Variants in ZNF462 observed in about 807,000 individuals in gnomAD.
ZNF462 encodes zinc finger PBX1-interacting protein.
Under a neutral mutation model 201.9 loss-of-function variants are expected in ZNF462, and 10 were observed. The observed-to-expected ratio is 0.05, with a 90% confidence interval of 0.03 to 0.08. The LOEUF (loss-of-function observed/expected upper bound fraction) is 0.08, where lower values mean the gene tolerates loss of function less well. Among genes scored for constraint, ZNF462 ranks in the 10% least tolerant of loss-of-function variants. The pLI, the probability that ZNF462 is intolerant of heterozygous loss-of-function variation, is 1.00. For missense variants in ZNF462, 2,523 were observed against 3,168.3 expected (o/e 0.80, Z 4.89); for synonymous variants, 1,227 against 1,193.3 (o/e 1.03, Z -0.58).
rs1249255578 is a variant in ZNF462, at chr9:106,932,315, A to G, written c.6013-131A>G. The G allele has an allele frequency of 1.9e-6, 3 of 1,554,732 alleles. No individual in the cohort carries two copies. Among genetic ancestry groups the G allele is most frequent in the African/African-American group, 1.4e-5 (1 of 73,182 alleles). ...TTCCTGGATGGATTGGAAGCAGCCAAAGACGCCAGTGGCGCCCTGGTGGGC... is the reference window on the plus strand; with the variant it reads ...TTCCTGGATGGATTGGAAGCAGCCAGAGACGCCAGTGGCGCCCTGGTGGGC... On this transcript the variant is annotated intron_variant, in intron 4 of 12. Transcript: ENST00000277225. This position sits in a 1 kb window ranked among gnomAD's most constrained non-coding sequence, Gnocchi z 6.8.
intron 1 of ZNF462, among the ~76,000 whole-genome samples, chr9:106,918,219 G>A (rs977676803): frequency 4.6e-5 from 7 of 152,118 alleles, no homozygotes; most frequent in African/African-American, 1.2e-4. Context: ...TAGTACCGAT[G>A]TCATTTGTAT....
chr9:106,959,631 A>T (rs1015679501), intron 7 of ZNF462, among the ~76,000 whole-genome samples: 9 of 152,222 alleles, frequency 5.9e-5, no homozygotes, highest in African/African-American at 2.2e-4. Context: ...GAGGCTCCTC[A>T]ACATACTCTG....
rs377090113 is a variant in ZNF462 at position 106,962,608 on chromosome 9, G to A, written c.6428-9397G>A. Among the ~76,000 whole-genome samples the A allele has an allele frequency of 2.8e-4, 42 of 152,062 alleles. No individual in the cohort carries two copies. Among genetic ancestry groups the A allele is most frequent in the African/African-American group, 9.9e-4 (41 of 41,518 alleles). ...AGAAAGCTTGCCCATTTTTTGCCAT[G>A]TTTGTATCATTTTGCAGGCTAATAT... On this transcript the variant is annotated intron_variant, in intron 7 of 12. Transcript: ENST00000277225. The surrounding 1 kb of genome is among the most constrained non-coding windows in gnomAD (Gnocchi z 4.6).
chr9:107,011,207 G>C lies in ZNF462; in HGVS notation c.*177G>C. 3.4e-6 allele frequency: 2 copies of C among 595,446 alleles called. No homozygotes were observed. The highest frequency in any genetic ancestry group is 5.9e-6 in the Non-Finnish European group (2 of 339,066). The allele number at this position is 595,446 out of a possible 1,614,324, so 36.9% of individuals were successfully genotyped here. ...TGTGTGAGTGAGTATGTAAATTAAA[G>C]TTATTTAAATGGTTGGAATATGTGG... On this transcript the variant is annotated 3_prime_UTR_variant, in exon 13 of 13. Coordinates refer to ENST00000277225, the MANE Select transcript of ZNF462 (RefSeq NM_021224.6). This position sits in a 1 kb window ranked among gnomAD's most constrained non-coding sequence, Gnocchi z 5.6.
chr9:106,965,926 T>C (rs1287305359), intron 7 of ZNF462, among the ~76,000 whole-genome samples: 1 of 152,134 alleles, frequency 6.6e-6, no homozygotes, highest in African/African-American at 2.4e-5. Context: ...GTTTCCTGGC[T>C]ATTAAATAAA....
chr9:106,969,206 C>T (rs943416392), intron 7 of ZNF462, among the ~76,000 whole-genome samples: 1 of 152,086 alleles, frequency 6.6e-6, no homozygotes, highest in Non-Finnish European at 1.5e-5. Flanking sequence ...GTCAATAAAC[C>T]TGTCCATCTG....
Position 106,977,123 on chromosome 9 carries a change from C to T in ZNF462, c.6832+2850C>T, listed in dbSNP as rs138065009. On this transcript the variant is annotated intron_variant, in intron 9 of 12. Transcript: ENST00000277225. This position sits in a 1 kb window ranked among gnomAD's most constrained non-coding sequence, Gnocchi z 4.6. ...ACAGCCATGTATACCATCTGTGTCC[C>T]GGCCTGGCTTTGGTGTCCATCTCTA... Among the ~76,000 whole-genome samples the T allele has an allele frequency of 1.6e-4, 25 of 152,266 alleles. No homozygotes were observed. In the East Asian group the frequency reaches 4.6e-3, roughly 28 times the overall value.
chr9:106,910,315 G>A (rs1226202369), intron 1 of ZNF462, among the ~76,000 whole-genome samples: 2 of 141,044 alleles, frequency 1.4e-5, no homozygotes, highest in Non-Finnish European at 3.1e-5. Context: ...TTTTTCATGG[G>A]TCGTTTCCAT....
rs77805892 is a variant in ZNF462, at chr9:106,870,380, A to G, written c.-31+7025A>G. Reference sequence around the variant, plus strand: ...TGTGTTTGCTTGTTCAGTTCACTGCATGTTGCTTCTGGATATTAATAAAAT... The same window carrying G: ...TGTGTTTGCTTGTTCAGTTCACTGCGTGTTGCTTCTGGATATTAATAAAAT... On this transcript the variant is annotated intron_variant, in intron 1 of 12. Coordinates refer to ENST00000277225, the MANE Select transcript of ZNF462 (RefSeq NM_021224.6). The surrounding 1 kb of genome is among the most constrained non-coding windows in gnomAD (Gnocchi z 4.3). 1.9e-3 allele frequency among the ~76,000 whole-genome samples: 287 copies of G among 152,160 alleles called. 1 individual carries two copies. The highest frequency in any genetic ancestry group is 6.6e-3 in the African/African-American group (272 of 41,502).
intron 1 of ZNF462, among the ~76,000 whole-genome samples, chr9:106,873,004 G>C (rs1019667560): frequency 6.6e-6 from 1 of 152,168 alleles, no homozygotes; most frequent in African/African-American, 2.4e-5. Context: ...GCTGCAAAGT[G>C]GGGGAGCCAG....
chr9:106,999,244 A>G (rs1398490619), intron 10 of ZNF462, among the ~76,000 whole-genome samples: 1 of 152,032 alleles, frequency 6.6e-6, no homozygotes, highest in East Asian at 1.9e-4. Context: ...TCAATATGTC[A>G]TCTGCATCAT....
Position 106,954,050 on chromosome 9 carries a change from C to T in ZNF462, c.6427+14943C>T, listed in dbSNP as rs1344857395. 6.6e-6 allele frequency among the ~76,000 whole-genome samples: 1 copy of T among 152,136 alleles called. No homozygotes were observed. The highest frequency in any genetic ancestry group is 1.5e-5 in the Non-Finnish European group (1 of 68,022). On this transcript the variant is annotated intron_variant, in intron 7 of 12. Transcript: ENST00000277225. The surrounding 1 kb of genome is among the most constrained non-coding windows in gnomAD (Gnocchi z 4.0). The stretch of plus-strand genomic sequence containing the variant: ...TGTTTATCCCACCTGCAAAGTCCTC[C>T]ATTCATTCTATTCTAAGCAAGGTTA...
Position 106,867,536 on chromosome 9 carries a change from T to C in ZNF462, c.-31+4181T>C, listed in dbSNP as rs544185033. ...ACCATATTCCCCGAGGAATTGTTTT[T>C]TCCCCCTTACTCTTTGGAGTTGGAG... On this transcript the variant is annotated intron_variant, in intron 1 of 12. Transcript: ENST00000277225. 5.3e-5 allele frequency among the ~76,000 whole-genome samples: 8 copies of C among 152,178 alleles called. 1 individual carries two copies. In the South Asian group the frequency reaches 1.5e-3, roughly 28 times the overall value.
At chr9:106,980,362 G>A (rs1212920112) in intron 9 of ZNF462, among the ~76,000 whole-genome samples, 8 of 152,166 alleles carry the variant, frequency 5.3e-5, no homozygotes, top group African/African-American at 1.4e-4. Context: ...CAATTTGCAC[G>A]CAAAGTTTTG....
chr9:106,875,119 C>T (rs776918734), intron 1 of ZNF462, among the ~76,000 whole-genome samples: 15 of 152,112 alleles, frequency 9.9e-5, no homozygotes, highest in Non-Finnish European at 1.6e-4. Context: ...AGCTTCTCAA[C>T]GGTAAATATC....
chr9:106,862,712 G>A (rs1827109711), upstream of ZNF462, among the ~76,000 whole-genome samples: 1 of 152,124 alleles, frequency 6.6e-6, no homozygotes, highest in Non-Finnish European at 1.5e-5. This position sits in a 1 kb window ranked among gnomAD's most constrained non-coding sequence, Gnocchi z 4.2. Context: ...TCCTTCTGGG[G>A]TTCAGCAGGG....
chr9:106,964,917 A>T (rs554096823), intron 7 of ZNF462, among the ~76,000 whole-genome samples: 60 of 152,206 alleles, frequency 3.9e-4, no homozygotes, highest in African/African-American at 1.4e-3. Flanking sequence ...GGTGTACAGC[A>T]TCAGCCTAGA....
intron 1 of ZNF462, among the ~76,000 whole-genome samples, chr9:106,914,914 A>G (rs1016519570): frequency 2.6e-5 from 4 of 152,200 alleles, no homozygotes; most frequent in Non-Finnish European, 5.9e-5. Flanking sequence ...TCACATGAAG[A>G]TTGGCATTTA....
chr9:106,945,668 T>C (rs1197966662), intron 7 of ZNF462, among the ~76,000 whole-genome samples: 1 of 152,214 alleles, frequency 6.6e-6, no homozygotes, highest in Non-Finnish European at 1.5e-5. Context: ...TCTGACCAGA[T>C]ACTAACTAAC....
Sources: allele counts gnomAD v4.1 joint callset (sites outside exome capture counted in the v4.1 genomes callset), GRCh38; gene constraint gnomAD v4.1.1; non-coding constraint Gnocchi (gnomAD v3.1); transcripts MANE v1.5; gene names NCBI Gene and HGNC (gene_info 2026-07-23, HGNC 2026-07-21).